Variants in ACOT7 observed in about 807,000 individuals in gnomAD.
ACOT7 encodes cytosolic acyl coenzyme A thioester hydrolase.
ACOT7 carries 12 observed loss-of-function variants against 40.2 expected under a neutral mutation model. That is an observed-to-expected ratio of 0.30 (90% confidence interval 0.19 to 0.48). The LOEUF (loss-of-function observed/expected upper bound fraction) is 0.48, where lower values mean the gene tolerates loss of function less well. Among genes scored for constraint, ACOT7 ranks in the 20% least tolerant of loss-of-function variants. The pLI, the probability that ACOT7 is intolerant of heterozygous loss-of-function variation, is 0.99. For synonymous variants in ACOT7, 228 were observed against 219.5 expected (o/e 1.04, Z -0.34); for missense variants, 395 against 530.8 (o/e 0.74, Z 2.51).
At chr1:6,337,847 T>G (rs1168025692) in intron 3 of ACOT7, among the ~76,000 whole-genome samples, 2 of 152,008 alleles carry the variant, frequency 1.3e-5, no homozygotes, top group Non-Finnish European at 2.9e-5. Flanking sequence ...TGGTGGCTCA[T>G]GCCTGTAATC....
At chr1:6,375,242 G>A (rs558779501) in intron 1 of ACOT7, among the ~76,000 whole-genome samples, 6 of 141,942 alleles carry the variant, frequency 4.2e-5, no homozygotes, top group South Asian at 2.2e-4. Flanking sequence ...CAGCCTGGGC[G>A]ACAGAGCGAG....
In ACOT7 at chr1:6,393,498, C is replaced by G. The variant is rs1325591701; in HGVS notation, c.-99G>C. 1 of 1,090,016 alleles carries G rather than the reference C, an allele frequency of 9.2e-7. No homozygotes were observed. The highest frequency in any genetic ancestry group is 1.2e-6 in the Non-Finnish European group (1 of 865,990). 67.5% of individuals were successfully genotyped at this position (1,090,016 alleles called of 1,614,324 possible). A position where few individuals can be genotyped will look rare whatever the true frequency, so the allele number is the denominator to read the frequency against. On this transcript the variant is annotated 5_prime_UTR_variant, in exon 1 of 9. Transcript: ENST00000361521. The stretch of plus-strand genomic sequence containing the variant: ...CCTCCCCGCGCCGACCCCGCCCCCG[C>G]GCCGGCCCCACCCCGAGCCCCGCCT...
At chr1:6,343,535 T>C (rs1641334736) in intron 2 of ACOT7, among the ~76,000 whole-genome samples, 1 of 152,240 alleles carries the variant, frequency 6.6e-6, no homozygotes, top group South Asian at 2.1e-4. Flanking sequence ...CCTGCCCTAC[T>C]CACAACAGGT....
intron 6 of ACOT7, among the ~76,000 whole-genome samples, chr1:6,313,510 T>C (rs1391025851): frequency 6.6e-6 from 1 of 152,210 alleles, no homozygotes; most frequent in Non-Finnish European, 1.5e-5. Flanking sequence ...CTAGGCCCCA[T>C]GACAGAGACT....
intron 1 of ACOT7, among the ~76,000 whole-genome samples, chr1:6,354,226 C>T (rs1465284714): frequency 6.6e-6 from 1 of 152,158 alleles, no homozygotes; most frequent in African/African-American, 2.4e-5. Flanking sequence ...GCTGAGCACA[C>T]ATGGGTCAAG....
intron 1 of ACOT7, among the ~76,000 whole-genome samples, chr1:6,389,043 GAAAA>G (rs137913430): frequency 1.1e-4 from 10 of 94,932 alleles, no homozygotes; most frequent in African/African-American, 3.8e-4. Context: ...TCCGTCTCAA[GAAAA>G]AAAAAAAAAA....
At chr1:6,272,780 A>G (rs944890412) in intron 8 of ACOT7, among the ~76,000 whole-genome samples, 1 of 152,238 alleles carries the variant, frequency 6.6e-6, no homozygotes, top group African/African-American at 2.4e-5. Context: ...ACATGGGCCC[A>G]ACAACCTTTC....
chr1:6,368,515 C>G (rs1402712711), intron 1 of ACOT7, among the ~76,000 whole-genome samples: 1 of 152,174 alleles, frequency 6.6e-6, no homozygotes, highest in Admixed American at 6.5e-5. Flanking sequence ...CCTCTCTGCC[C>G]GCACCTCCAT....
intron 6 of ACOT7, among the ~76,000 whole-genome samples, chr1:6,295,845 C>T (rs116506333): frequency 0.014 from 2,167 of 151,240 alleles, 21 homozygotes; most frequent in Non-Finnish European, 0.022. Context: ...CTCAAATTGA[C>T]GGCAATAGTA....
chr1:6,312,068 G>A (rs1326819124), intron 6 of ACOT7, among the ~76,000 whole-genome samples: 1 of 152,158 alleles, frequency 6.6e-6, no homozygotes, highest in Non-Finnish European at 1.5e-5. Context: ...TGACGGAGAA[G>A]TGAGAAGAGG....
In ACOT7 at chr1:6,296,653, G is replaced by A. The variant is rs183899006; in HGVS notation, c.713-1673C>T. On this transcript the variant is annotated intron_variant, in intron 6 of 8. Transcript: ENST00000361521. The stretch of plus-strand genomic sequence containing the variant: ...TTGTCCAGACTGGTCTTGAACTCCT[G>A]ACCTCATGATCCGCCCACTTCAGCC... Among the ~76,000 whole-genome samples, 29 of 152,266 alleles carry A rather than the reference G, an allele frequency of 1.9e-4. No individual in the cohort carries two copies. The East Asian group carries it at 5.6e-3, about 29-fold the overall frequency.
At chr1:6,295,323 C>CA (rs1639782977) in intron 6 of ACOT7, 1 of 184,402 alleles carries the variant, frequency 5.4e-6, no homozygotes, top group African/African-American at 2.3e-5. Context: ...CACGTGCTGG[C>CA]GAGGATGTGG....
At chr1:6,385,688 G>C in intron 1 of ACOT7, 1 of 1,606,694 alleles carries the variant, frequency 6.2e-7, no homozygotes, top group Non-Finnish European at 8.5e-7. Context: ...TGGGCAAACT[G>C]TTTACCCAGT....
In ACOT7 at chr1:6,288,367, G is replaced by A. The variant is rs1199262919; in HGVS notation, c.829+6497C>T. 6.6e-6 allele frequency among the ~76,000 whole-genome samples: 1 copy of A among 152,242 alleles called. No individual in the cohort carries two copies. Among genetic ancestry groups the A allele is most frequent in the African/African-American group, 2.4e-5 (1 of 41,474 alleles). ...TTCCTTCACCCCAACTGCCTGGTGA[G>A]AGTTTAACTTGCCACACACCTGCTA... On this transcript the variant is annotated intron_variant, in intron 7 of 8. Coordinates refer to ENST00000361521, the MANE Select transcript of ACOT7 (RefSeq NM_007274.4). This position sits in a 1 kb window ranked among gnomAD's most constrained non-coding sequence, Gnocchi z 4.3.
At chr1:6,320,260 T>A (rs1372782495) in intron 5 of ACOT7, among the ~76,000 whole-genome samples, 2 of 152,336 alleles carry the variant, frequency 1.3e-5, no homozygotes, top group Middle Eastern at 3.4e-3. Flanking sequence ...TGTTTATGGC[T>A]GTGTAAACCT....
At chr1:6,318,221 ATTAT>A (rs1640550639) in intron 6 of ACOT7, among the ~76,000 whole-genome samples, 2 of 151,700 alleles carry the variant, frequency 1.3e-5, no homozygotes, top group Non-Finnish European at 2.9e-5. Context: ...TGCCCGGCTT[ATTAT>A]TTATTTTTTT....
chr1:6,308,374 C>G (rs1338051964), intron 6 of ACOT7, among the ~76,000 whole-genome samples: 4 of 150,242 alleles, frequency 2.7e-5, no homozygotes, highest in Non-Finnish European at 5.9e-5. Context: ...GCAGGGGGAA[C>G]AGCGACCAGA....
At position 6,355,761 on chromosome 1, in the gene ACOT7, TC is replaced by T. The variant is rs1370287057; in HGVS notation, c.144-5896del. 6.6e-6 allele frequency among the ~76,000 whole-genome samples: 1 copy of T among 152,102 alleles called. No homozygotes were observed. Among genetic ancestry groups the T allele is most frequent in the East Asian group, 1.9e-4 (1 of 5,172 alleles). On this transcript the variant is annotated intron_variant, in intron 1 of 8. Coordinates refer to ENST00000361521, the MANE Select transcript of ACOT7 (RefSeq NM_007274.4). This position sits in a 1 kb window ranked among gnomAD's most constrained non-coding sequence, Gnocchi z 5.0. Reference sequence around the variant, plus strand: ...CACACCAGAGGCCGGCCAGCACTCATCCCAAGAGCGCCTACAGCAGCGGCCC... The same window carrying T: ...CACACCAGAGGCCGGCCAGCACTCATCCAAGAGCGCCTACAGCAGCGGCCC...
intron 1 of ACOT7, among the ~76,000 whole-genome samples, chr1:6,388,212 C>T (rs1439622834): frequency 2.0e-5 from 3 of 151,908 alleles, no homozygotes; most frequent in Non-Finnish European, 4.4e-5. Context: ...GGGTTCATGC[C>T]ACTCTCCTGC....
Sources: gnomAD v4.1 joint callset for allele counts (sites outside exome capture counted in the v4.1 genomes callset) on GRCh38, gnomAD v4.1.1 for gene constraint, Gnocchi (gnomAD v3.1) non-coding constraint, MANE v1.5 for transcripts, NCBI Gene and HGNC (gene_info 2026-07-23, HGNC 2026-07-21) for gene names.